SLC22A25: variants seen among roughly 807,000 people sequenced by gnomAD.
SLC22A25 encodes MGI:2442751, MGI:2385316, MGI:3042283, MGI:3645714, MGI:3605624, MGI:2442750.
In SLC22A25, 44 loss-of-function variants were observed where a neutral mutation model predicts 45.9. The observed-to-expected ratio is 0.96, with a 90% CI of 0.75 to 1.23. The LOEUF (loss-of-function observed/expected upper bound fraction) is 1.23, where lower values mean the gene tolerates loss of function less well. SLC22A25 is among the 50% of genes most tolerant of loss of function. SLC22A25 has a pLI of 0.00. For synonymous variants in SLC22A25, 283 were observed against 238.6 expected, an observed-to-expected ratio of 1.19 and a Z score of -1.72; for missense variants, 800 against 666.4, an observed-to-expected ratio of 1.20 and a Z score of -2.21.
chr11:63,202,065 C>T (rs2089261839), intron 7 of SLC22A25, among the ~76,000 whole-genome samples: 1 of 152,058 alleles, frequency 6.6e-6, no homozygotes, highest in South Asian at 2.1e-4. Context: ...CTCCCCTAGC[C>T]AAGGGAAGCC....
In SLC22A25 at chr11:63,163,278, A is replaced by G. The variant is rs796830633; in HGVS notation, c.*546T>C. Among the ~76,000 whole-genome samples the G allele has an allele frequency of 5.3e-5, 8 of 152,350 alleles. No homozygotes were observed. The highest frequency in any genetic ancestry group is 1.9e-4 in the African/African-American group (8 of 41,580). ...TTAGAACCTTTTCTCATTCTTCATTACTTAAAAAATTCCTTTACTTATCAC... is the reference window on the plus strand; with the variant it reads ...TTAGAACCTTTTCTCATTCTTCATTGCTTAAAAAATTCCTTTACTTATCAC... On this transcript the variant is annotated 3_prime_UTR_variant, in exon 12 of 12. Transcript: ENST00000306494.
intron 10 of SLC22A25, 72 bp from the exon 11 acceptor site, chr11:63,164,706 G>A (rs1198282193): frequency 1.6e-5 from 20 of 1,224,442 alleles, no homozygotes; most frequent in African/African-American, 8.9e-5. Flanking sequence ...AGGTAGAAGT[G>A]AAAAGGACTG....
At chr11:63,177,055 A>G (rs2088114769) in intron 9 of SLC22A25, among the ~76,000 whole-genome samples, 1 of 152,042 alleles carries the variant, frequency 6.6e-6, no homozygotes, top group South Asian at 2.1e-4. Context: ...ATCTCTAAAT[A>G]TATCATCATA....
chr11:63,182,316 A>G (rs1378991591), intron 8 of SLC22A25, among the ~76,000 whole-genome samples: 1 of 151,814 alleles, frequency 6.6e-6, no homozygotes, highest in East Asian at 1.9e-4. Context: ...TGTAACACTT[A>G]ATTGTTGTTG....
In SLC22A25 at chr11:63,229,387, C is replaced by T. The variant is rs748557797; in HGVS notation, c.266G>A (p.Arg89His). ...FDSNLRPEKCRRFVHPQWKLI... is the reference protein window; with the variant it reads ...FDSNLRPEKCHRFVHPQWKLI... ...CTTCCACTGGGGATGGACAAAGCGA[C>T]GACACTTCTCTGGCCTCAGATTTGA... is the stretch of plus-strand genomic sequence containing the variant. Residue 89 changes from arginine (R) to histidine (H), a missense_variant, in exon 4 of 12, where the codon CGT (arginine) becomes CAT (histidine). Physicochemically the swap from Arg to His is conservative, Grantham distance 29 (BLOSUM62 0). Transcript: ENST00000306494. 61 of 1,613,946 alleles carry T rather than the reference C, an allele frequency of 3.8e-5. No individual in the cohort carries two copies. The highest frequency in any genetic ancestry group is 1.6e-4 in the South Asian group (15 of 91,074).
chr11:63,166,472 T>A (rs1463743212), intron 9 of SLC22A25: 2 of 1,391,208 alleles, frequency 1.4e-6, no homozygotes, highest in Non-Finnish European at 1.9e-6. Flanking sequence ...GGACAACAGA[T>A]GTTGTATGGA....
rs966443093 is a variant in SLC22A25, at chr11:63,159,965, A to G, written c.*3859T>C. ...ACTTTGAACTTGAGTAAGATGATTT[A>G]GGGTATCTGTCAGAAGAAATTTTTA... On this transcript the variant is annotated 3_prime_UTR_variant, in exon 12 of 12. Coordinates refer to ENST00000306494, the MANE Select transcript of SLC22A25 (RefSeq NM_199352.6). Among the ~76,000 whole-genome samples the G allele has an allele frequency of 6.6e-6, 1 of 152,178 alleles. No individual in the cohort carries two copies. Among genetic ancestry groups the G allele is most frequent in the East Asian group, 1.9e-4 (1 of 5,196 alleles).
At position 63,229,633 on chromosome 11, in the gene SLC22A25, AG is replaced by A; in HGVS notation, c.19del (p.Leu7Ter). ...TCTCCCCAGGCCTCCAACTTGATCT[AG>A]GAGGTCCTGAAAGGCCATTGAGGCT... MAFQDL[L>X]DQVGGLGRFQ... On this transcript the variant is annotated frameshift_variant, in exon 4 of 12. Coordinates refer to ENST00000306494, the MANE Select transcript of SLC22A25 (RefSeq NM_199352.6). LOFTEE classifies it high-confidence loss of function. The A allele has an allele frequency of 1.2e-6, 2 of 1,604,494 alleles. No homozygotes were observed. The highest frequency in any genetic ancestry group is 1.7e-6 in the Non-Finnish European group (2 of 1,171,870).
chr11:63,242,378 A>G (rs1027770051), intron 1 of SLC22A25, among the ~76,000 whole-genome samples: 4 of 152,168 alleles, frequency 2.6e-5, no homozygotes, highest in Non-Finnish European at 4.4e-5. Context: ...GGGGCACTCG[A>G]TATTTGCCCA....
intron 5 of SLC22A25, among the ~76,000 whole-genome samples, chr11:63,220,301 A>G (rs934603065): frequency 3.3e-5 from 5 of 152,284 alleles, no homozygotes; most frequent in East Asian, 1.9e-4. Context: ...CTCCAGGCAC[A>G]AGCCATCAGC....
At position 63,162,930 on chromosome 11, in the gene SLC22A25, G is replaced by A. The variant is rs887012969; in HGVS notation, c.*894C>T. On this transcript the variant is annotated 3_prime_UTR_variant, in exon 12 of 12. Transcript: ENST00000306494. ...TTAAAATTGTGTCACTTTGCTGCAG[G>A]TATCTTCCTGCCCTGCTTTTCTGGA... 1.3e-5 allele frequency among the ~76,000 whole-genome samples: 2 copies of A among 152,040 alleles called. No homozygotes were observed. The highest frequency in any genetic ancestry group is 2.4e-5 in the African/African-American group (1 of 41,374).
Position 63,220,148 on chromosome 11 carries a change from A to G in SLC22A25, c.507-2413T>C. 4 of 529,026 alleles carry G rather than the reference A, an allele frequency of 7.6e-6. 1 individual carries two copies. Among genetic ancestry groups the G allele is most frequent in the Non-Finnish European group, 1.2e-5 (4 of 337,344 alleles). 32.8% of individuals were successfully genotyped at this position (529,026 alleles called of 1,614,324 possible). A position where few individuals can be genotyped will look rare whatever the true frequency, so the allele number is the denominator to read the frequency against. On this transcript the variant is annotated intron_variant, in intron 5 of 11. Transcript: ENST00000306494. ...AGGTAGAGGTTGTAATACCTCTAAAAAGCTGTTTTTGCAAAGACAAAAAAA... is the reference window on the plus strand; with the variant it reads ...AGGTAGAGGTTGTAATACCTCTAAAGAGCTGTTTTTGCAAAGACAAAAAAA...
chr11:63,219,362 C>G (rs781002489), intron 5 of SLC22A25, among the ~76,000 whole-genome samples: 2 of 152,164 alleles, frequency 1.3e-5, no homozygotes, highest in Non-Finnish European at 2.9e-5. Flanking sequence ...TGACTCCCAA[C>G]ACCATCGTTG....
intron 5 of SLC22A25, among the ~76,000 whole-genome samples, chr11:63,219,743 A>T (rs927902881): frequency 1.3e-5 from 2 of 152,060 alleles, no homozygotes; most frequent in African/African-American, 2.4e-5. Flanking sequence ...CTCCACTGTC[A>T]TCTCCTGCCT....
chr11:63,202,669 G>A (rs988417243), intron 7 of SLC22A25, among the ~76,000 whole-genome samples: 17 of 152,328 alleles, frequency 1.1e-4, no homozygotes, highest in African/African-American at 4.1e-4. Context: ...CGGGCTTATA[G>A]ATAAAATTCA....
At chr11:63,213,685 CTG>C (rs150252455) in intron 7 of SLC22A25, among the ~76,000 whole-genome samples, 1,733 of 152,292 alleles carry the variant, frequency 0.011, 14 homozygotes, top group Non-Finnish European at 0.018. Flanking sequence ...ACCCTGCTGT[CTG>C]TGGAGAAACC....
At chr11:63,186,389 T>G (rs1451218924) in intron 7 of SLC22A25, among the ~76,000 whole-genome samples, 1 of 150,926 alleles carries the variant, frequency 6.6e-6, no homozygotes, top group African/African-American at 2.4e-5. Flanking sequence ...TTTGTTGGGA[T>G]TGTTTGTTTT....
At chr11:63,177,428 A>G (rs2088132516) in intron 9 of SLC22A25, among the ~76,000 whole-genome samples, 1 of 151,958 alleles carries the variant, frequency 6.6e-6, no homozygotes, top group Non-Finnish European at 1.5e-5. Flanking sequence ...TTTGAAATAT[A>G]CAATAACTTT....
chr11:63,166,906 AGCTCTGGTCTG>A (rs1374649318), intron 9 of SLC22A25: 1 of 972,712 alleles, frequency 1.0e-6, no homozygotes, highest in Non-Finnish European at 1.2e-6. Context: ...GAATAGGAAG[AGCTCTGGTCTG>A]CAGCTCCCAG....
Sources: allele counts gnomAD v4.1 joint callset (sites outside exome capture counted in the v4.1 genomes callset), GRCh38; gene constraint gnomAD v4.1.1; transcripts MANE v1.5; gene names NCBI Gene and HGNC (gene_info 2026-07-23, HGNC 2026-07-21).